Variants in C1QL1 observed in about 807,000 individuals in gnomAD.
C1QL1 encodes complement C1q like 1.
A neutral mutation model predicts 14.2 loss-of-function variants in C1QL1; 15 were observed. The ratio of observed to expected loss-of-function variants is 1.06; its 90% CI spans 0.71 to 1.62. The LOEUF is 1.62. C1QL1 is among the 40% of genes most tolerant of loss of function. The probability of loss-of-function intolerance (pLI) is 0.00; values close to 1 mark genes in which losing one functional copy is unlikely to be tolerated. For missense variants in C1QL1, 346 were observed against 380.3 expected, an observed-to-expected ratio of 0.91 and a Z score of 0.75; for synonymous variants, 172 against 172.4, an observed-to-expected ratio of 1.00 and a Z score of 0.02.
At chr17:44,966,365 T>A (rs1313257800) in intron 1 of C1QL1, among the ~76,000 whole-genome samples, 1 of 152,228 alleles carries the variant, frequency 6.6e-6, no homozygotes, top group Non-Finnish European at 1.5e-5. Flanking sequence ...TCTTGTATCT[T>A]AATCGTGAGA....
At chr17:44,963,010 C>G (rs2052636245) in intron 1 of C1QL1, among the ~76,000 whole-genome samples, 2 of 152,154 alleles carry the variant, frequency 1.3e-5, no homozygotes, top group Admixed American at 1.3e-4. Context: ...TGACTGGAGA[C>G]AGTTGAGGCC....
chr17:44,966,064 G>A (rs1323962758), intron 1 of C1QL1, among the ~76,000 whole-genome samples: 1 of 152,210 alleles, frequency 6.6e-6, no homozygotes, highest in Non-Finnish European at 1.5e-5. Context: ...GTTAGATCCG[G>A]GGAGGAGAGG....
rs970104182 is a variant in C1QL1, at chr17:44,959,867, C to G, written c.*321G>C. 7 of 262,356 alleles carry G rather than the reference C, an allele frequency of 2.7e-5. No homozygotes were observed. The Admixed American group carries it at 3.8e-4, about 14-fold the overall frequency. 16.3% of individuals were successfully genotyped at this position (262,356 alleles called of 1,614,324 possible). ...AGCGCAGGAAGCAAACCCGCCGCCG[C>G]GACCTCTCCCCAGGCTGGGGTGGGC... On this transcript the variant is annotated 3_prime_UTR_variant, in exon 2 of 2. Coordinates refer to ENST00000253407, the MANE Select transcript of C1QL1 (RefSeq NM_006688.5).
chr17:44,961,664 A>C (rs2145779407), intron 1 of C1QL1, among the ~76,000 whole-genome samples: 1 of 150,638 alleles, frequency 6.6e-6, no homozygotes, highest in Admixed American at 6.6e-5. Context: ...AGGCGGGTGG[A>C]TCATGAGGTC....
intron 1 of C1QL1, among the ~76,000 whole-genome samples, chr17:44,961,360 A>G (rs1231272157): frequency 6.6e-6 from 1 of 152,186 alleles, no homozygotes; most frequent in Non-Finnish European, 1.5e-5. Context: ...TGGGAGGCCC[A>G]GGCAGGTGGA....
chr17:44,968,118 C>G lies in C1QL1; in HGVS notation c.-70G>C, dbSNP rs1224233287. The G allele has an allele frequency of 1.9e-6, 2 of 1,033,976 alleles. No individual in the cohort carries two copies. The highest frequency in any genetic ancestry group is 4.0e-5 in the East Asian group (1 of 24,746). The allele number at this position is 1,033,976 out of a possible 1,614,324, so 64.1% of individuals were successfully genotyped here. On this transcript the variant is annotated 5_prime_UTR_variant, in exon 1 of 2. Transcript: ENST00000253407. ...GGAGCCTGGGGAGCGCCGGGCCGCC[C>G]GGCCGCGCCGTCGGGGCAATGGTGC...
chr17:44,963,784 T>G (rs978789649), intron 1 of C1QL1, among the ~76,000 whole-genome samples: 1 of 152,016 alleles, frequency 6.6e-6, no homozygotes, highest in African/African-American at 2.4e-5. Context: ...CTCGCCACAC[T>G]CAGATTCTGT....
chr17:44,965,565 G>A (rs1368588476), intron 1 of C1QL1, among the ~76,000 whole-genome samples: 2 of 152,214 alleles, frequency 1.3e-5, no homozygotes. Flanking sequence ...CATCTCCAGT[G>A]AGCACCCCTT....
intron 1 of C1QL1, among the ~76,000 whole-genome samples, chr17:44,965,263 C>A (rs1209741525): frequency 6.6e-6 from 1 of 152,156 alleles, no homozygotes; most frequent in Non-Finnish European, 1.5e-5. Context: ...CCACTTGCCT[C>A]GGCCTCCCAA....
chr17:44,967,829 G>A lies in C1QL1; in HGVS notation c.220C>T (p.Arg74Cys). The A allele has an allele frequency of 1.4e-6, 2 of 1,388,868 alleles. No homozygotes were observed. 86.0% of individuals were successfully genotyped at this position (1,388,868 alleles called of 1,614,324 possible). A position where few individuals can be genotyped will look rare whatever the true frequency, so the allele number is the denominator to read the frequency against. The change falls in exon 1 of 2, where the codon CGC becomes TGC. Residue 74 changes from arginine to cysteine, a missense_variant. Arg to Cys is a radical substitution (Grantham distance 180). Coordinates refer to ENST00000253407, the MANE Select transcript of C1QL1 (RefSeq NM_006688.5). This position sits in a 1 kb window ranked among gnomAD's most constrained non-coding sequence, Gnocchi z 7.0. ...CCCGGAGGGCCGGGCTTGCCGGTGC[G>A]GCCCGGCTTCCCCTGGGGGCCCTGC... ...LVQGPQGKPG[R>C]TGKPGPPGPP...
chr17:44,965,314 A>T (rs898612732), intron 1 of C1QL1, among the ~76,000 whole-genome samples: 2 of 151,334 alleles, frequency 1.3e-5, no homozygotes, highest in African/African-American at 4.9e-5. Flanking sequence ...GCCTGGCCTA[A>T]TGTTTGTATT....
Position 44,968,166 on chromosome 17 carries a change from A to G in C1QL1, c.-118T>C. 1 of 423,074 alleles carries G rather than the reference A, an allele frequency of 2.4e-6. No homozygotes were observed. Among genetic ancestry groups the G allele is most frequent in the Non-Finnish European group, 3.4e-6 (1 of 293,108 alleles). 26.2% of individuals were successfully genotyped at this position (423,074 alleles called of 1,614,324 possible). On this transcript the variant is annotated 5_prime_UTR_variant, in exon 1 of 2. Coordinates refer to ENST00000253407, the MANE Select transcript of C1QL1 (RefSeq NM_006688.5). ...TGCCGGCGGGCAGGGGGCGCGGGCT[A>G]GGCGCCCGCGCTCAAGGACGGTCCG...
At chr17:44,964,952 T>C (rs1192518811) in intron 1 of C1QL1, among the ~76,000 whole-genome samples, 1 of 152,124 alleles carries the variant, frequency 6.6e-6, no homozygotes, top group Non-Finnish European at 1.5e-5. Flanking sequence ...GTTATTCTCT[T>C]GCCTCAGCCT....
At chr17:44,965,245 C>A (rs921171050) in intron 1 of C1QL1, among the ~76,000 whole-genome samples, 6 of 152,186 alleles carry the variant, frequency 3.9e-5, no homozygotes. Flanking sequence ...ATCTCCTGAC[C>A]TCATGATCCA....
intron 1 of C1QL1, among the ~76,000 whole-genome samples, chr17:44,962,964 T>C (rs2052636001): frequency 6.6e-6 from 1 of 152,174 alleles, no homozygotes; most frequent in African/African-American, 2.4e-5. Flanking sequence ...TGGTGGGGGA[T>C]CCAAGAATGG....
In C1QL1 at chr17:44,960,362, C is replaced by A. The variant is rs777195088; in HGVS notation, c.603G>T (p.Arg201=). ...WADLCKNGQV[R]ASAIAQDADQ... ...CCGCGTCCTGGGCAATAGCACTGGCCCGCACCTGCGGGTGGGGGACACGGG... is the reference window on the plus strand; with the variant it reads ...CCGCGTCCTGGGCAATAGCACTGGCACGCACCTGCGGGTGGGGGACACGGG... The change falls in exon 2 of 2, where the codon CGG becomes CGT. Residue 201 remains arginine (R), a synonymous_variant. Coordinates refer to ENST00000253407, the MANE Select transcript of C1QL1 (RefSeq NM_006688.5). 5 of 1,612,824 alleles carry A rather than the reference C, an allele frequency of 3.1e-6. No individual in the cohort carries two copies. In the South Asian group the frequency reaches 5.5e-5, roughly 18 times the overall value.
chr17:44,966,569 G>A (rs2052658110), intron 1 of C1QL1, among the ~76,000 whole-genome samples: 1 of 152,058 alleles, frequency 6.6e-6, no homozygotes, highest in African/African-American at 2.4e-5. Context: ...CTGGTCCTGG[G>A]GTCGGCCATT....
chr17:44,960,284 G>A lies in C1QL1; in HGVS notation c.681C>T (p.Gly227=), dbSNP rs764485428. Residue 227 remains glycine (G), a synonymous_variant, in exon 2 of 2, where the codon GGC becomes GGT. Transcript: ENST00000253407. ...SNSVILHLDA[G]DEVFIKLDGG... is the part of the protein sequence containing the mutation. ...CATCCAGCTTGATGAAGACCTCGTC[G>A]CCGGCGTCCAGGTGCAGGATCACGC... 1 of 1,614,168 alleles carries A rather than the reference G, an allele frequency of 6.2e-7. No homozygotes were observed. Among genetic ancestry groups the A allele is most frequent in the South Asian group, 1.1e-5 (1 of 91,090 alleles).
chr17:44,961,756 G>A (rs2052628197), intron 1 of C1QL1, among the ~76,000 whole-genome samples: 1 of 149,620 alleles, frequency 6.7e-6, no homozygotes, highest in Non-Finnish European at 1.5e-5. Flanking sequence ...CGCGGTGGCG[G>A]GCGCCTGTAG....
Sources: allele counts gnomAD v4.1 joint callset (sites outside exome capture counted in the v4.1 genomes callset), GRCh38; gene constraint gnomAD v4.1.1; non-coding constraint Gnocchi (gnomAD v3.1); transcripts MANE v1.5; gene names NCBI Gene and HGNC (gene_info 2026-07-23, HGNC 2026-07-21).